GALNTL6: variants seen among roughly 807,000 people sequenced by gnomAD.
GALNTL6 encodes polypeptide N-acetylgalactosaminyltransferase like 6, also known as polypeptide N-acetylgalactosaminyltransferase-like 6.
Under a neutral mutation model 73.7 loss-of-function variants are expected in GALNTL6, and 46 were observed. The ratio of observed to expected loss-of-function variants is 0.62; its 90% confidence interval spans 0.49 to 0.80. GALNTL6 has a LOEUF of 0.80. Ranked by LOEUF, GALNTL6 falls within the 30% of genes least tolerant of loss-of-function variation. GALNTL6 has a pLI of 0.00. For synonymous variants in GALNTL6, 259 were observed against 263.7 expected (o/e 0.98, Z 0.17); for missense variants, 604 against 755.0 (o/e 0.80, Z 2.34).
chr4:172,616,913 T>C (rs933819942), intron 5 of GALNTL6, among the ~76,000 whole-genome samples: 6 of 152,128 alleles, frequency 3.9e-5, no homozygotes, highest in African/African-American at 1.2e-4. Flanking sequence ...CAAGAAGAGC[T>C]ATTCCCCTTT....
rs114807768 is a variant in GALNTL6 at position 171,968,334 on chromosome 4, G to T, written c.138+153616G>T. On this transcript the variant is annotated intron_variant, in intron 2 of 12. Transcript: ENST00000506823. Reference sequence around the variant, plus strand: ...TTGGCAGGGTCATTTCATTTTGGGGGTTCCAAGGGAAAAACCATCCCAATG... The same window carrying T: ...TTGGCAGGGTCATTTCATTTTGGGGTTTCCAAGGGAAAAACCATCCCAATG... Among the ~76,000 whole-genome samples, 1,035 of 152,156 alleles carry T rather than the reference G, an allele frequency of 6.8e-3. 17 individuals are homozygous for T. The highest frequency in any genetic ancestry group is 0.023 in the African/African-American group (964 of 41,520).
intron 5 of GALNTL6, among the ~76,000 whole-genome samples, chr4:172,711,032 C>A (rs1232235455): frequency 2.0e-5 from 3 of 152,098 alleles, no homozygotes; most frequent in Non-Finnish European, 4.4e-5. Flanking sequence ...AGAGAGAGAG[C>A]AAGACCCTTC....
chr4:172,050,758 C>A (rs1730835075), intron 2 of GALNTL6, among the ~76,000 whole-genome samples: 2 of 152,116 alleles, frequency 1.3e-5, no homozygotes, highest in African/African-American at 4.8e-5. Context: ...AGCTAGGTCC[C>A]TGGAAGAAAC....
intron 5 of GALNTL6, among the ~76,000 whole-genome samples, chr4:172,516,822 A>G (rs967046556): frequency 1.3e-5 from 2 of 152,224 alleles, no homozygotes; most frequent in Non-Finnish European, 2.9e-5. Context: ...AAAATGTGGT[A>G]TATACATAAA....
At chr4:172,138,305 T>C (rs1733689084) in intron 2 of GALNTL6, among the ~76,000 whole-genome samples, 1 of 150,938 alleles carries the variant, frequency 6.6e-6, no homozygotes, top group Admixed American at 6.6e-5. Flanking sequence ...TTTATCATAC[T>C]TGATATTTTA....
chr4:172,557,642 T>C (rs1298875359), intron 5 of GALNTL6, among the ~76,000 whole-genome samples: 1 of 152,180 alleles, frequency 6.6e-6, no homozygotes, highest in Non-Finnish European at 1.5e-5. Context: ...GAAAAATTAC[T>C]CAATACCATT....
chr4:172,317,125 A>G (rs925642228), intron 4 of GALNTL6, among the ~76,000 whole-genome samples: 1 of 152,212 alleles, frequency 6.6e-6, no homozygotes, highest in Admixed American at 6.5e-5. Context: ...AAGTACTTAC[A>G]TGAAGTACTT....
rs144604196 is a variant in GALNTL6, at chr4:172,519,113, C to T, written c.553+170424C>T. Reference sequence around the variant, plus strand: ...ATATGTATATACACACACACACACACATACACCCACACATTGTCAACTCCT... The same window carrying T: ...ATATGTATATACACACACACACACATATACACCCACACATTGTCAACTCCT... On this transcript the variant is annotated intron_variant, in intron 5 of 12. Transcript: ENST00000506823. Among the ~76,000 whole-genome samples the T allele has an allele frequency of 6.0e-3, 904 of 151,086 alleles. 7 individuals are homozygous for T. Among genetic ancestry groups the T allele is most frequent in the East Asian group, 0.036 (187 of 5,160 alleles).
In GALNTL6 at chr4:172,617,643, A is replaced by AT. The variant is rs552395831; in HGVS notation, c.554-191707dup. Among the ~76,000 whole-genome samples the AT allele has an allele frequency of 2.4e-3, 340 of 143,228 alleles. 1 individual carries two copies. Among genetic ancestry groups the AT allele is most frequent in the South Asian group, 0.022 (101 of 4,554 alleles). 94.0% of individuals were successfully genotyped at this position (143,228 alleles called of 152,430 possible). A position where few individuals can be genotyped will look rare whatever the true frequency, so the allele number is the denominator to read the frequency against. ...AGGCGCCCGCCACCACGCCCAGCTA[A>AT]TTTTTTTTTTTGTATTTTTAGTAGA... On this transcript the variant is annotated intron_variant, in intron 5 of 12. Transcript: ENST00000506823.
At position 172,225,757 on chromosome 4, in the gene GALNTL6, AAAAT is replaced by A. The variant is rs569716878; in HGVS notation, c.139-3880_139-3877del. Among the ~76,000 whole-genome samples, 27 of 151,996 alleles carry A rather than the reference AAAAT, an allele frequency of 1.8e-4. No homozygotes were observed. In the East Asian group the frequency reaches 2.3e-3, roughly 13 times the overall value. On this transcript the variant is annotated intron_variant, in intron 2 of 12. Transcript: ENST00000506823. ...GGCAACAGGGTGAGACCCAGTTTCA[AAAAT>A]AAATAAATAAATAAATAAGTAAATA...
At chr4:172,363,272 T>C (rs941450947) in intron 5 of GALNTL6, among the ~76,000 whole-genome samples, 2 of 152,204 alleles carry the variant, frequency 1.3e-5, no homozygotes, top group African/African-American at 4.8e-5. Flanking sequence ...TTCTGTGTTT[T>C]TTCTTCTAAC....
chr4:172,426,421 T>C (rs541837348), intron 5 of GALNTL6, among the ~76,000 whole-genome samples: 27 of 152,280 alleles, frequency 1.8e-4, no homozygotes, highest in African/African-American at 6.3e-4. Flanking sequence ...ACACAAGGAC[T>C]ATAATGGCAA....
chr4:172,719,832 A>C (rs1191605054), intron 5 of GALNTL6, among the ~76,000 whole-genome samples: 1 of 152,168 alleles, frequency 6.6e-6, no homozygotes, highest in African/African-American at 2.4e-5. Flanking sequence ...AGCAGCCCCG[A>C]GGGCTGCTGG....
At chr4:172,893,881 G>A (rs1307808110) in intron 8 of GALNTL6, among the ~76,000 whole-genome samples, 10 of 152,172 alleles carry the variant, frequency 6.6e-5, no homozygotes, top group African/African-American at 1.4e-4. Flanking sequence ...AGGATCTCAT[G>A]TATCTAGGAT....
chr4:172,482,414 G>A lies in GALNTL6; in HGVS notation c.553+133725G>A, dbSNP rs1003609385. On this transcript the variant is annotated intron_variant, in intron 5 of 12. Transcript: ENST00000506823. ...GAGAGCGAGAGAGGGCCACCAGCAC[G>A]TTGTCACTTCTCATCAAGTTAGGGC... 5.9e-5 allele frequency among the ~76,000 whole-genome samples: 9 copies of A among 152,358 alleles called. No homozygotes were observed. The Middle Eastern group carries it at 0.017, about 288-fold the overall frequency.
chr4:172,154,812 T>G (rs1358125934), intron 2 of GALNTL6, among the ~76,000 whole-genome samples: 2 of 152,162 alleles, frequency 1.3e-5, no homozygotes, highest in Non-Finnish European at 2.9e-5. Flanking sequence ...GAAGAAACAT[T>G]TTTTGAAAAT....
chr4:172,142,541 A>G (rs1224770584), intron 2 of GALNTL6, among the ~76,000 whole-genome samples: 1 of 152,012 alleles, frequency 6.6e-6, no homozygotes, highest in East Asian at 1.9e-4. Flanking sequence ...AACTCCTTTT[A>G]TGTTCAATTG....
At chr4:172,452,675 A>G (rs1403096904) in intron 5 of GALNTL6, among the ~76,000 whole-genome samples, 1 of 152,212 alleles carries the variant, frequency 6.6e-6, no homozygotes, top group Non-Finnish European at 1.5e-5. Context: ...AAATATAATA[A>G]CAAGCTTTGT....
At chr4:172,120,249 T>C (rs1579157939) in intron 2 of GALNTL6, among the ~76,000 whole-genome samples, 1 of 152,226 alleles carries the variant, frequency 6.6e-6, no homozygotes, top group East Asian at 1.9e-4. Flanking sequence ...TATCACAAAC[T>C]TAGGAGCTTC....
Sources: gnomAD v4.1 joint callset for allele counts (sites outside exome capture counted in the v4.1 genomes callset) on GRCh38, gnomAD v4.1.1 for gene constraint, MANE v1.5 for transcripts, NCBI Gene and HGNC (gene_info 2026-07-23, HGNC 2026-07-21) for gene names.